PPARGC1A: variants seen among roughly 807,000 people sequenced by gnomAD.
PPARGC1A encodes peroxisome proliferator-activated receptor gamma coactivator 1-alpha.
In PPARGC1A, 25 loss-of-function variants were observed where a neutral mutation model predicts 88.7. That is an observed-to-expected ratio of 0.28 (90% confidence interval 0.21 to 0.39). The LOEUF (loss-of-function observed/expected upper bound fraction) is 0.39, where lower values mean the gene tolerates loss of function less well. Ranked by LOEUF, PPARGC1A falls within the 10% of genes least tolerant of loss-of-function variation. The pLI is 1.00. For synonymous variants in PPARGC1A, 363 were observed against 355.6 expected (o/e 1.02, Z -0.24); for missense variants, 880 against 968.7 (o/e 0.91, Z 1.22).
chr4:23,839,594 T>A (rs1335225373), intron 2 of PPARGC1A, among the ~76,000 whole-genome samples: 1 of 152,190 alleles, frequency 6.6e-6, no homozygotes, highest in Non-Finnish European at 1.5e-5. Context: ...ACTCTCTGGC[T>A]GCATTGCATA....
the PPARGC1A span, among the ~76,000 whole-genome samples, chr4:24,342,085 G>A: frequency 6.6e-6 from 1 of 152,044 alleles, no homozygotes; most frequent in Non-Finnish European, 1.5e-5. Flanking sequence ...CTTCCCACAC[G>A]TTTATCTTTA....
chr4:23,850,766 T>C (rs1729141624), intron 2 of PPARGC1A, among the ~76,000 whole-genome samples: 1 of 152,250 alleles, frequency 6.6e-6, no homozygotes, highest in African/African-American at 2.4e-5. Flanking sequence ...CCTTTTTACG[T>C]ATGAGAAAAC....
chr4:24,326,188 T>C, the PPARGC1A span, among the ~76,000 whole-genome samples: 1 of 152,168 alleles, frequency 6.6e-6, no homozygotes, highest in Non-Finnish European at 1.5e-5. Context: ...CTTACCCCGC[T>C]GAATGCCAAT....
At chr4:23,839,199 T>C (rs1422204960) in intron 2 of PPARGC1A, among the ~76,000 whole-genome samples, 2 of 152,166 alleles carry the variant, frequency 1.3e-5, no homozygotes, top group Non-Finnish European at 2.9e-5. Context: ...TTAATAAATA[T>C]GTACTGTACA....
chr4:24,086,128 C>T, the PPARGC1A span, among the ~76,000 whole-genome samples: 31 of 152,156 alleles, frequency 2.0e-4, no homozygotes, highest in Non-Finnish European at 3.8e-4. Flanking sequence ...ATGTATGACT[C>T]ATATTTTTTA....
chr4:24,414,493 A>G, the PPARGC1A span, among the ~76,000 whole-genome samples: 1 of 152,044 alleles, frequency 6.6e-6, no homozygotes, highest in Non-Finnish European at 1.5e-5. Flanking sequence ...TGCTCCTTTC[A>G]CTCTGAACAG....
At chr4:24,403,634 C>T in the PPARGC1A span, among the ~76,000 whole-genome samples, 12 of 152,246 alleles carry the variant, frequency 7.9e-5, no homozygotes, top group East Asian at 1.9e-3. Context: ...ACAAAATACC[C>T]GCTGGATACA....
At chr4:24,160,285 C>G in the PPARGC1A span, among the ~76,000 whole-genome samples, 1 of 152,164 alleles carries the variant, frequency 6.6e-6, no homozygotes, top group Admixed American at 6.5e-5. Context: ...GATAAAAAGC[C>G]TTGTCCTTAT....
In PPARGC1A at chr4:23,821,484, G is replaced by C. The variant is rs1723003731; in HGVS notation, c.877+2796C>G. 2.0e-5 allele frequency among the ~76,000 whole-genome samples: 3 copies of C among 151,822 alleles called. 1 individual carries two copies. The highest frequency in any genetic ancestry group is 4.4e-5 in the Non-Finnish European group (3 of 67,944). On this transcript the variant is annotated intron_variant, in intron 7 of 12. Coordinates refer to ENST00000264867, the MANE Select transcript of PPARGC1A (RefSeq NM_013261.5). ...TTGATGTGAAAATAGTAGGGGGTGG[G>C]GGAGGCACAGAAAAAGAATAAATAA...
chr4:24,471,980 G>A, the PPARGC1A span, among the ~76,000 whole-genome samples: 12 of 152,206 alleles, frequency 7.9e-5, no homozygotes, highest in Non-Finnish European at 1.5e-4. The surrounding 1 kb of genome is among the most constrained non-coding windows in gnomAD (Gnocchi z 5.4). Context: ...CAACTGGAAG[G>A]CGGGTAGGCG....
the PPARGC1A span, among the ~76,000 whole-genome samples, chr4:24,285,830 T>C: frequency 6.6e-6 from 1 of 152,178 alleles, no homozygotes; most frequent in East Asian, 1.9e-4. Context: ...CCACTTCCAA[T>C]GCAGTCATGA....
At chr4:23,908,456 T>C (rs1001320803), upstream of PPARGC1A, among the ~76,000 whole-genome samples, 1 of 151,564 alleles carries the variant, frequency 6.6e-6, no homozygotes, top group Non-Finnish European at 1.5e-5. Flanking sequence ...ATAAAATTCA[T>C]AGATTATATC....
the PPARGC1A span, among the ~76,000 whole-genome samples, chr4:24,364,749 A>G: frequency 3.9e-5 from 6 of 152,186 alleles, no homozygotes; most frequent in Non-Finnish European, 7.3e-5. Context: ...ACCCATATAC[A>G]TGTAGACCCA....
the PPARGC1A span, among the ~76,000 whole-genome samples, chr4:24,387,762 G>GAAACAAAGAAAGAAAGAAAGAAAGAA: frequency 1.4e-5 from 1 of 73,004 alleles, no homozygotes; most frequent in East Asian, 4.4e-4. Context: ...GAGAGAGAGA[G>GAAACAAAGAAAGAAAGAAAGAAAGAA]AGAGAGAAAG....
intron 2 of PPARGC1A, among the ~76,000 whole-genome samples, chr4:23,867,609 G>T (rs1311380944): frequency 2.0e-5 from 3 of 152,206 alleles, no homozygotes; most frequent in African/African-American, 7.2e-5. Flanking sequence ...TAAGGTGAAG[G>T]AGATCCTCTC....
the PPARGC1A span, among the ~76,000 whole-genome samples, chr4:24,193,888 G>T: frequency 6.6e-6 from 1 of 152,120 alleles, no homozygotes; most frequent in African/African-American, 2.4e-5. Context: ...CAGCACTTTG[G>T]GAGGCCGAGG....
intron 2 of PPARGC1A, among the ~76,000 whole-genome samples, chr4:23,853,459 A>G (rs546563115): frequency 3.3e-5 from 5 of 152,258 alleles, no homozygotes; most frequent in African/African-American, 1.2e-4. Flanking sequence ...ACACATTTTG[A>G]GGAGGTACTC....
At chr4:24,167,006 T>A in the PPARGC1A span, among the ~76,000 whole-genome samples, 1 of 152,216 alleles carries the variant, frequency 6.6e-6, no homozygotes, top group Admixed American at 6.5e-5. Context: ...AAAGCTATAG[T>A]GGCCATACAT....
the PPARGC1A span, among the ~76,000 whole-genome samples, chr4:24,008,397 G>A: frequency 6.6e-6 from 1 of 152,144 alleles, no homozygotes; most frequent in Non-Finnish European, 1.5e-5. Context: ...TTATTCCACT[G>A]GTTGGGATAT....
Sources: allele counts gnomAD v4.1 joint callset (sites outside exome capture counted in the v4.1 genomes callset), GRCh38; gene constraint gnomAD v4.1.1; non-coding constraint Gnocchi (gnomAD v3.1); transcripts MANE v1.5; gene names NCBI Gene and HGNC (gene_info 2026-07-23, HGNC 2026-07-21).